The following TULP4 variants were observed in gnomAD, a reference collection of about 807,000 sequenced individuals.
TULP4 encodes tubby-related protein 4.
A neutral mutation model predicts 129.0 loss-of-function variants in TULP4; 16 were observed. The observed-to-expected ratio is 0.12, with a 90% CI of 0.08 to 0.19. The LOEUF is 0.19. TULP4 is among the 10% of genes least tolerant of loss of function. TULP4 has a pLI of 1.00. For missense variants in TULP4, 1,842 were observed against 2,059.1 expected, an observed-to-expected ratio of 0.89 and a Z score of 2.04; for synonymous variants, 998 against 854.0, an observed-to-expected ratio of 1.17 and a Z score of -2.94.
At chr6:158,328,322 T>A (rs1779796525) in intron 1 of TULP4, among the ~76,000 whole-genome samples, 1 of 151,732 alleles carries the variant, frequency 6.6e-6, no homozygotes, top group Admixed American at 6.6e-5. Flanking sequence ...ATGAGGAAAG[T>A]GAGGTACAGA....
intron 1 of TULP4, among the ~76,000 whole-genome samples, chr6:158,383,998 C>T (rs1013061353): frequency 2.6e-5 from 4 of 152,178 alleles, no homozygotes; most frequent in Non-Finnish European, 4.4e-5. Flanking sequence ...AAGAGTGTAA[C>T]ATTATCCCAA....
At chr6:158,471,449 A>G (rs1779680873) in intron 6 of TULP4, among the ~76,000 whole-genome samples, 1 of 152,262 alleles carries the variant, frequency 6.6e-6, no homozygotes, top group African/African-American at 2.4e-5. Flanking sequence ...GGAATTGGGC[A>G]GCCATGGCAT....
At chr6:158,392,256 AGCATGGGAAAGAAGT>A (rs1419568877) in intron 1 of TULP4, among the ~76,000 whole-genome samples, 1 of 152,170 alleles carries the variant, frequency 6.6e-6, no homozygotes, top group Admixed American at 6.5e-5. Flanking sequence ...TCACGACAAC[AGCATGGGAAAGAAGT>A]GCCCCCATGA....
intron 1 of TULP4, among the ~76,000 whole-genome samples, chr6:158,300,594 G>A (rs1037723125): frequency 1.3e-5 from 2 of 152,170 alleles, no homozygotes; most frequent in Non-Finnish European, 2.9e-5. Context: ...GGCATTGTCT[G>A]TCTTTATTTG....
At chr6:158,365,457 TTTTTTTC>T (rs1040855923) in intron 1 of TULP4, among the ~76,000 whole-genome samples, 79 of 151,466 alleles carry the variant, frequency 5.2e-4, no homozygotes, top group East Asian at 2.1e-3. Context: ...TTTTTTTTTC[TTTTTTTC>T]TTTTTTCTTT....
At chr6:158,263,143 A>G (rs796689046) in intron 1 of TULP4, among the ~76,000 whole-genome samples, 12 of 152,346 alleles carry the variant, frequency 7.9e-5, no homozygotes, top group African/African-American at 2.6e-4. Flanking sequence ...TTAGGTTGAC[A>G]TAAGATCGTT....
At chr6:158,381,500 G>T (rs1777324917) in intron 1 of TULP4, among the ~76,000 whole-genome samples, 1 of 152,170 alleles carries the variant, frequency 6.6e-6, no homozygotes, top group African/African-American at 2.4e-5. Context: ...AAATGAATTA[G>T]TGAAAAACAA....
At position 158,314,000 on chromosome 6, in the gene TULP4, A is replaced by C. The variant is rs1414485686; in HGVS notation, c.-17A>C. 6.2e-7 allele frequency: 1 copy of C among 1,607,698 alleles called. No homozygotes were observed. Among genetic ancestry groups the C allele is most frequent in the Admixed American group, 1.7e-5 (1 of 59,720 alleles). On this transcript the variant is annotated 5_prime_UTR_variant, in exon 1 of 14. Coordinates refer to ENST00000367097, the MANE Select transcript of TULP4 (RefSeq NM_020245.5). Reference sequence around the variant, plus strand: ...ATTAACATTACTTTTTAAGTAAAACAGTTCATTGAAGAAAGTATGTATGCA... The same window carrying C: ...ATTAACATTACTTTTTAAGTAAAACCGTTCATTGAAGAAAGTATGTATGCA...
At chr6:158,432,437 C>T (rs1295160108) in intron 3 of TULP4, among the ~76,000 whole-genome samples, 2 of 152,186 alleles carry the variant, frequency 1.3e-5, no homozygotes, top group African/African-American at 4.8e-5. Flanking sequence ...GAGTCTCTTC[C>T]TGCTTCCCTG....
intron 1 of TULP4, among the ~76,000 whole-genome samples, chr6:158,363,789 GT>G (rs145945418): frequency 0.014 from 2,029 of 149,154 alleles, 46 homozygotes; most frequent in African/African-American, 0.043. Flanking sequence ...AAGGCCGCGT[GT>G]TTTTTTTTTC....
In TULP4 at chr6:158,242,523, A is replaced by G. The variant is rs1467070807; in HGVS notation, n.68+10220A>G. 1.8e-5 allele frequency: 14 copies of G among 758,820 alleles called. 1 individual carries two copies. The highest frequency in any genetic ancestry group is 5.1e-5 in the African/African-American group (3 of 58,432). The allele number at this position is 758,820 out of a possible 1,614,324, so 47.0% of individuals were successfully genotyped here. ...GTCTGTCTGCCGGTTGGTACTTTCTACTGTCTTCAAGACATTCTCAATTCT... is the reference window on the plus strand; with the variant it reads ...GTCTGTCTGCCGGTTGGTACTTTCTGCTGTCTTCAAGACATTCTCAATTCT... On this transcript the variant is annotated intron_variant and non_coding_transcript_variant, in intron 1 of 1. Transcript: ENST00000620026.
At chr6:158,233,030 T>C (rs892212534) in intron 1 of TULP4, among the ~76,000 whole-genome samples, 1 of 152,240 alleles carries the variant, frequency 6.6e-6, no homozygotes. Context: ...GATTCCGAAG[T>C]TTGACCCGCT....
intron 1 of TULP4, among the ~76,000 whole-genome samples, chr6:158,322,059 A>T (rs1779651800): frequency 6.6e-6 from 1 of 152,206 alleles, no homozygotes; most frequent in African/African-American, 2.4e-5. Context: ...GTGCATAGTG[A>T]TGACCAACTT....
chr6:158,394,797 A>AAAAAAG, intron 1 of TULP4, among the ~76,000 whole-genome samples: 1 of 146,962 alleles, frequency 6.8e-6, no homozygotes. Context: ...AAAAAAAAAA[A>AAAAAAG]AAAAAAAAAA....
chr6:158,292,446 G>C (rs921663035), intron 1 of TULP4, among the ~76,000 whole-genome samples: 27 of 152,112 alleles, frequency 1.8e-4, no homozygotes, highest in African/African-American at 6.3e-4. Flanking sequence ...GCCTTCCATA[G>C]AGATTTTCTA....
At chr6:158,278,359 T>C (rs966665229), upstream of TULP4, among the ~76,000 whole-genome samples, 7 of 151,958 alleles carry the variant, frequency 4.6e-5, no homozygotes, top group African/African-American at 1.7e-4. Context: ...TTGTAGTGTT[T>C]AGAGGGGAAA....
chr6:158,258,579 A>G (rs1778291124), intron 1 of TULP4, among the ~76,000 whole-genome samples: 1 of 152,208 alleles, frequency 6.6e-6, no homozygotes, highest in Non-Finnish European at 1.5e-5. Flanking sequence ...AGTTTATAAA[A>G]ATGTTAGAGA....
At chr6:158,467,867 A>C (rs1026439294) in intron 6 of TULP4, among the ~76,000 whole-genome samples, 1 of 152,194 alleles carries the variant, frequency 6.6e-6, no homozygotes, top group African/African-American at 2.4e-5. Context: ...TGGCAGTCTC[A>C]GTAAATACTG....
intron 1 of TULP4, among the ~76,000 whole-genome samples, chr6:158,366,016 C>T (rs1780949128): frequency 6.7e-6 from 1 of 148,912 alleles, no homozygotes. Flanking sequence ...CATTCTCCTG[C>T]CTCAGCCTCC....
Sources: allele counts gnomAD v4.1 joint callset (sites outside exome capture counted in the v4.1 genomes callset), GRCh38; gene constraint gnomAD v4.1.1; transcripts MANE v1.5; gene names NCBI Gene and HGNC (gene_info 2026-07-23, HGNC 2026-07-21).